The following TRMT2B variants were observed in gnomAD, a reference collection of about 807,000 sequenced individuals.
The protein encoded by TRMT2B is tRNA methyltransferase 2B.
A neutral mutation model predicts 39.7 loss-of-function variants in TRMT2B; 34 were observed. That is an observed-to-expected ratio of 0.86 (90% confidence interval 0.65 to 1.14). The LOEUF is 1.14. Among genes scored for constraint, TRMT2B ranks in the 50% most tolerant of loss-of-function variants. TRMT2B has a pLI of 0.00. For synonymous variants in TRMT2B, 132 were observed against 137.3 expected (o/e 0.96, Z 0.27); for missense variants, 318 against 377.2 (o/e 0.84, Z 1.30).
At chrX:100,978,146 C>A in the TRMT2B span, among the ~76,000 whole-genome samples, 1 of 112,220 alleles carries the variant, frequency 8.9e-6, no homozygotes, top group East Asian at 2.8e-4. Flanking sequence ...CACAGCCTTG[C>A]CAGAATGATC....
chrX:101,020,885 G>A (rs2086768105), intron 10 of TRMT2B, among the ~76,000 whole-genome samples: 1 of 111,824 alleles, frequency 8.9e-6, no homozygotes, highest in South Asian at 3.7e-4. Flanking sequence ...GCCCAGGCTA[G>A]TCTCCAACTC....
chrX:101,027,201 T>C (rs2087145068), intron 7 of TRMT2B, among the ~76,000 whole-genome samples: 1 of 110,497 alleles, frequency 9.1e-6, no homozygotes, highest in African/African-American at 3.3e-5. Context: ...ACTTTCTTCC[T>C]CTGGCTCCCA....
intron 2 of TRMT2B, among the ~76,000 whole-genome samples, chrX:101,044,249 G>GAA (rs35472826): frequency 2.1e-4 from 9 of 43,535 alleles, no homozygotes; most frequent in Admixed American, 3.3e-4. Flanking sequence ...CTCAAAAAGA[G>GAA]AAAAAAAAAA....
chrX:100,986,520 T>A, the TRMT2B span, among the ~76,000 whole-genome samples: 1 of 112,221 alleles, frequency 8.9e-6, no homozygotes, highest in South Asian at 3.8e-4. Context: ...GCAATTCTAA[T>A]TAAAGTTTGA....
intron 2 of TRMT2B, among the ~76,000 whole-genome samples, chrX:101,050,018 G>A (rs1375637813): frequency 9.0e-6 from 1 of 111,453 alleles, no homozygotes; most frequent in African/African-American, 3.3e-5. Flanking sequence ...GGAAACTGCA[G>A]GCCCATTTGA....
At chrX:101,003,144 G>A in the TRMT2B span, among the ~76,000 whole-genome samples, 4,077 of 104,869 alleles carry the variant, frequency 0.039, 225 homozygotes, top group African/African-American at 0.14. Flanking sequence ...TCAAACTCCT[G>A]TACTCAAGAA....
At chrX:101,011,313 T>C (rs935998755) in intron 13 of TRMT2B, among the ~76,000 whole-genome samples, 3 of 112,096 alleles carry the variant, frequency 2.7e-5, no homozygotes, top group Non-Finnish European at 5.6e-5. Flanking sequence ...TACTGAATAC[T>C]GTAGACAACT....
downstream of TRMT2B, among the ~76,000 whole-genome samples, chrX:101,007,185 A>G (rs142318127): frequency 7.1e-4 from 80 of 112,021 alleles, 2 homozygotes; most frequent in East Asian, 0.013. Flanking sequence ...CAGAAGAGTT[A>G]GGGAAAAGAA....
chrX:100,978,549 T>G, the TRMT2B span, among the ~76,000 whole-genome samples: 1 of 111,488 alleles, frequency 9.0e-6, no homozygotes, highest in Non-Finnish European at 1.9e-5. Flanking sequence ...TTGTATAGAA[T>G]ATAATTTTCT....
intron 2 of TRMT2B, among the ~76,000 whole-genome samples, chrX:101,049,118 A>G (rs1258302009): frequency 9.0e-6 from 1 of 111,042 alleles, no homozygotes; most frequent in African/African-American, 3.3e-5. Flanking sequence ...TAGACACATA[A>G]ATTTTCTGAC....
At chrX:100,977,841 CT>C in the TRMT2B span, among the ~76,000 whole-genome samples, 13 of 112,240 alleles carry the variant, frequency 1.2e-4, no homozygotes, top group African/African-American at 3.6e-4. Flanking sequence ...AGATCTTATT[CT>C]TTTTTTATGG....
At position 101,024,311 on chromosome X, in the gene TRMT2B, C is replaced by G. The variant is rs544712827; in HGVS notation, c.610-695G>C. Among the ~76,000 whole-genome samples the G allele has an allele frequency of 2.9e-4, 33 of 111,998 alleles. No individual in the cohort carries two copies. In the South Asian group the frequency reaches 0.012, roughly 42 times the overall value. On this transcript the variant is annotated intron_variant, in intron 7 of 13. Transcript: ENST00000372936. ...GAGACTCTGATCTTAGACTTGCTAG[C>G]TTCCAGACAAGGAGGAAATAAACTT...
rs1602639858 is a variant in TRMT2B, at chrX:101,038,139, G to A, written c.304-88C>T. The A allele has an allele frequency of 2.7e-5, 23 of 842,126 alleles. No individual in the cohort carries two copies. The East Asian group carries it at 7.3e-4, about 27-fold the overall frequency. The allele number at this position is 842,126 out of a possible 1,213,427, so 69.4% of individuals were successfully genotyped here. ...TCCCAGCACTTTGGGAGGCCGAGGT[G>A]CGTGGATCACCTGAGGTTAGGAGTT... On this transcript the variant is annotated intron_variant, in intron 4 of 13. Coordinates refer to ENST00000372936, the MANE Select transcript of TRMT2B (RefSeq NM_024917.6).
the TRMT2B span, among the ~76,000 whole-genome samples, chrX:101,003,494 G>T: frequency 2.7e-5 from 3 of 110,190 alleles, no homozygotes; most frequent in Admixed American, 2.9e-4. Context: ...GATTACAGGT[G>T]TGTGCCACCA....
At chrX:101,000,657 T>C in the TRMT2B span, among the ~76,000 whole-genome samples, 1 of 110,106 alleles carries the variant, frequency 9.1e-6, no homozygotes, top group African/African-American at 3.3e-5. Context: ...ATCTGGCCTA[T>C]GTATTACCCA....
At chrX:100,973,562 C>T in the TRMT2B span, 1 of 944,982 alleles carries the variant, frequency 1.1e-6, no homozygotes, top group African/African-American at 1.9e-5. Flanking sequence ...TAATAGACTT[C>T]TAACAATCCC....
chrX:100,984,688 T>A, the TRMT2B span, among the ~76,000 whole-genome samples: 1 of 111,703 alleles, frequency 9.0e-6, no homozygotes, highest in East Asian at 2.8e-4. Flanking sequence ...ACGTTTTAGT[T>A]GGAGAGACAA....
chrX:101,041,403 T>C, intron 3 of TRMT2B, 32 bp from the exon 4 acceptor site: 1 of 1,159,342 alleles, frequency 8.6e-7, no homozygotes, highest in Non-Finnish European at 1.2e-6. Context: ...AATTCTTTAA[T>C]TATATAAATA....
intron 2 of TRMT2B, among the ~76,000 whole-genome samples, chrX:101,043,360 A>G (rs1465739348): frequency 1.8e-5 from 2 of 111,937 alleles, no homozygotes; most frequent in African/African-American, 6.5e-5. Flanking sequence ...TCACGAGGTC[A>G]GGAGTTCAAG....
Sources: gnomAD v4.1 joint callset for allele counts (sites outside exome capture counted in the v4.1 genomes callset) on GRCh38, gnomAD v4.1.1 for gene constraint, MANE v1.5 for transcripts, NCBI Gene and HGNC (gene_info 2026-07-23, HGNC 2026-07-21) for gene names.